Variants in REDIC1 observed in about 807,000 individuals in gnomAD.
REDIC1 encodes regulator of DNA class I crossover intermediates 1.
the REDIC1 span, among the ~76,000 whole-genome samples, chr12:39,887,840 G>C: frequency 6.6e-6 from 1 of 152,220 alleles, no homozygotes; most frequent in Non-Finnish European, 1.5e-5. Context: ...AATGAGGTCT[G>C]TCTCATGGTT....
the REDIC1 span, among the ~76,000 whole-genome samples, chr12:39,724,229 C>G: frequency 6.6e-6 from 1 of 152,132 alleles, no homozygotes; most frequent in Non-Finnish European, 1.5e-5. Context: ...TTCTACAACT[C>G]TGCTTACTCA....
the REDIC1 span, among the ~76,000 whole-genome samples, chr12:39,802,020 T>C: frequency 6.6e-6 from 1 of 152,124 alleles, no homozygotes; most frequent in Non-Finnish European, 1.5e-5. Flanking sequence ...GAATTTCACA[T>C]AGTGACAATT....
the REDIC1 span, among the ~76,000 whole-genome samples, chr12:39,827,076 ACCAACAGTTG>A: frequency 6.6e-6 from 1 of 151,528 alleles, no homozygotes; most frequent in Non-Finnish European, 1.5e-5. Flanking sequence ...TCCTGTATTT[ACCAACAGTTG>A]CTTCCCATGG....
chr12:39,672,410 T>A, the REDIC1 span, among the ~76,000 whole-genome samples: 62 of 152,216 alleles, frequency 4.1e-4, no homozygotes, highest in African/African-American at 1.4e-3. Flanking sequence ...GTGGCTCTGC[T>A]GCTAGGGGGA....
At chr12:39,695,994 ACAAT>A in the REDIC1 span, among the ~76,000 whole-genome samples, 2 of 152,128 alleles carry the variant, frequency 1.3e-5, no homozygotes, top group South Asian at 2.1e-4. Context: ...GTTGTCTAAG[ACAAT>A]CAAGGCAGTA....
chr12:39,847,184 G>C, the REDIC1 span, among the ~76,000 whole-genome samples: 1 of 152,126 alleles, frequency 6.6e-6, no homozygotes, highest in Non-Finnish European at 1.5e-5. Flanking sequence ...CCATTGATTT[G>C]TACTTCCTGC....
At chr12:39,730,174 G>T in the REDIC1 span, among the ~76,000 whole-genome samples, 9 of 152,124 alleles carry the variant, frequency 5.9e-5, 1 homozygote, top group Admixed American at 5.9e-4. Context: ...GGTTAATATT[G>T]TTATGTGTGA....
At chr12:39,650,334 A>G in the REDIC1 span, 7 of 1,610,906 alleles carry the variant, frequency 4.3e-6, no homozygotes, top group African/African-American at 8.0e-5. This position sits in a 1 kb window ranked among gnomAD's most constrained non-coding sequence, Gnocchi z 4.3. Context: ...GATTTGGGAC[A>G]TTATTTGAAA....
At chr12:39,885,075 TA>T in the REDIC1 span, among the ~76,000 whole-genome samples, 1 of 152,230 alleles carries the variant, frequency 6.6e-6, no homozygotes, top group Admixed American at 6.5e-5. Context: ...GAATTGTGAC[TA>T]CATTTAAGAG....
At chr12:39,807,233 C>T in the REDIC1 span, among the ~76,000 whole-genome samples, 1 of 152,106 alleles carries the variant, frequency 6.6e-6, no homozygotes, top group South Asian at 2.1e-4. Context: ...AGTGTGCTTA[C>T]AGAAGACCAC....
the REDIC1 span, among the ~76,000 whole-genome samples, chr12:39,713,493 TAC>T: frequency 2.0e-5 from 3 of 150,064 alleles, no homozygotes; most frequent in South Asian, 2.1e-4. Context: ...TATACATTTG[TAC>T]ACATACATAT....
chr12:39,830,429 C>T, the REDIC1 span: 6 of 1,287,124 alleles, frequency 4.7e-6, no homozygotes, highest in Non-Finnish European at 5.9e-6. Flanking sequence ...CTCTTTTGGC[C>T]ACAGCAACTT....
chr12:39,831,206 G>A, the REDIC1 span, among the ~76,000 whole-genome samples: 1 of 152,146 alleles, frequency 6.6e-6, no homozygotes, highest in Admixed American at 6.6e-5. Flanking sequence ...ACAATGTAAT[G>A]GAAACTGGGT....
the REDIC1 span, chr12:39,626,224 G>C: frequency 3.5e-6 from 4 of 1,151,958 alleles, no homozygotes; most frequent in South Asian, 1.3e-5. Context: ...GCTTACTCGG[G>C]CCCTGACGTT....
chr12:39,671,696 C>T, the REDIC1 span, among the ~76,000 whole-genome samples: 1 of 152,020 alleles, frequency 6.6e-6, no homozygotes, highest in Non-Finnish European at 1.5e-5. Context: ...TGGCTAGTCC[C>T]TAGGCCCCTG....
chr12:39,841,168 A>G, the REDIC1 span, among the ~76,000 whole-genome samples: 1 of 152,172 alleles, frequency 6.6e-6, no homozygotes, highest in Admixed American at 6.6e-5. Flanking sequence ...AGTGAGGTCT[A>G]CTGTTTAAAA....
the REDIC1 span, among the ~76,000 whole-genome samples, chr12:39,699,770 A>AGTGGGTCC: frequency 9.8e-5 from 15 of 152,346 alleles, no homozygotes; most frequent in East Asian, 2.7e-3. Context: ...TGCCTCCTCA[A>AGTGGGTCC]GTGGGTCCCT....
chr12:39,898,759 C>G, the REDIC1 span, among the ~76,000 whole-genome samples: 1 of 152,146 alleles, frequency 6.6e-6, no homozygotes, highest in Non-Finnish European at 1.5e-5. Flanking sequence ...GTCACCCACA[C>G]TACTTACATC....
the REDIC1 span, among the ~76,000 whole-genome samples, chr12:39,895,351 T>G: frequency 0.51 from 77,190 of 150,712 alleles, 19,946 homozygotes; most frequent in East Asian, 0.78. Flanking sequence ...TTAGCCGGGC[T>G]TGGTGGCAGG....
Sources: gnomAD v4.1 joint callset for allele counts (sites outside exome capture counted in the v4.1 genomes callset) on GRCh38, gnomAD v4.1.1 for gene constraint, Gnocchi (gnomAD v3.1) non-coding constraint, MANE v1.5 for transcripts, NCBI Gene and HGNC (gene_info 2026-07-23, HGNC 2026-07-21) for gene names.